Variants in ZBTB43 observed in about 807,000 individuals in gnomAD.
ZBTB43 encodes the protein zinc finger and BTB domain containing 43.
In ZBTB43, 6 loss-of-function variants were observed where a neutral mutation model predicts 31.1. That is an observed-to-expected ratio of 0.19 (90% CI 0.11 to 0.38). The LOEUF is 0.38. ZBTB43 is among the 10% of genes least tolerant of loss of function. ZBTB43 has a pLI of 1.00. For synonymous variants in ZBTB43, 212 were observed against 221.7 expected (o/e 0.96, Z 0.39); for missense variants, 379 against 602.1 (o/e 0.63, Z 3.88).
At chr9:126,807,941 C>T (rs2032163738) in intron 1 of ZBTB43, among the ~76,000 whole-genome samples, 1 of 151,932 alleles carries the variant, frequency 6.6e-6, no homozygotes, top group African/African-American at 2.4e-5. Flanking sequence ...TGGGCCTGAA[C>T]TTTTCCTTTT....
intron 2 of ZBTB43, among the ~76,000 whole-genome samples, chr9:126,809,554 T>C (rs1333959617): frequency 6.6e-6 from 1 of 152,208 alleles, no homozygotes; most frequent in African/African-American, 2.4e-5. Flanking sequence ...TCTGTGTTTT[T>C]AGGATGTTTA....
intron 2 of ZBTB43, among the ~76,000 whole-genome samples, chr9:126,820,889 G>A (rs187727935): frequency 1.4e-5 from 2 of 146,420 alleles, no homozygotes; most frequent in African/African-American, 5.0e-5. Context: ...GATCACGTGA[G>A]CCAGAGAGTC....
intron 2 of ZBTB43, among the ~76,000 whole-genome samples, chr9:126,822,602 A>G (rs999440775): frequency 6.6e-6 from 1 of 151,990 alleles, no homozygotes; most frequent in African/African-American, 2.4e-5. Context: ...TTAGCTGAAC[A>G]TGGTGATGCA....
chr9:126,815,804 A>C (rs1286173126), intron 2 of ZBTB43, among the ~76,000 whole-genome samples: 1 of 146,540 alleles, frequency 6.8e-6, no homozygotes. Context: ...ATTGATTCCC[A>C]CCCCCACCTC....
At chr9:126,829,320 C>G (rs1216280663) in intron 2 of ZBTB43, among the ~76,000 whole-genome samples, 1 of 152,144 alleles carries the variant, frequency 6.6e-6, no homozygotes. Context: ...ATAAATATTT[C>G]CAAAGGTATG....
rs113217018 is a variant in ZBTB43, at chr9:126,829,874, A to G, written c.-23-2613A>G. Among the ~76,000 whole-genome samples the G allele has an allele frequency of 3.0e-3, 450 of 152,278 alleles. 3 individuals are homozygous for G. The highest frequency in any genetic ancestry group is 0.01 in the African/African-American group (432 of 41,560). On this transcript the variant is annotated intron_variant, in intron 2 of 2. Coordinates refer to ENST00000373464, the MANE Select transcript of ZBTB43 (RefSeq NM_014007.4). ...TTTAGTCTACTCATTTATATAGTCA[A>G]CTTTTCTTTTTGAAATTACGAATAC...
intron 2 of ZBTB43, among the ~76,000 whole-genome samples, chr9:126,815,357 A>AAT (rs199590783): frequency 3.8e-4 from 54 of 142,654 alleles, no homozygotes; most frequent in Non-Finnish European, 5.2e-4. Context: ...AATATATAAA[A>AAT]ATATATATAT....
At chr9:126,812,312 A>G (rs924096776) in intron 2 of ZBTB43, among the ~76,000 whole-genome samples, 5 of 152,206 alleles carry the variant, frequency 3.3e-5, no homozygotes, top group African/African-American at 1.2e-4. Flanking sequence ...TCCAGTCATA[A>G]GTTGATGGAG....
intron 2 of ZBTB43, among the ~76,000 whole-genome samples, chr9:126,818,482 C>T (rs1188772796): frequency 6.6e-6 from 1 of 151,818 alleles, no homozygotes; most frequent in Admixed American, 6.6e-5. Flanking sequence ...TGAGCCCAAG[C>T]AATTCGCCCA....
At chr9:126,827,978 T>C (rs2032678875) in intron 2 of ZBTB43, among the ~76,000 whole-genome samples, 2 of 151,850 alleles carry the variant, frequency 1.3e-5, no homozygotes, top group African/African-American at 4.8e-5. Context: ...GATTGCACCA[T>C]TGCACTCCAG....
rs1179213233 is a variant in ZBTB43, at chr9:126,814,341, CTG to C, written c.-24+5428_-24+5429del. On this transcript the variant is annotated intron_variant, in intron 2 of 2. Coordinates refer to ENST00000373464, the MANE Select transcript of ZBTB43 (RefSeq NM_014007.4). Reference sequence around the variant, plus strand: ...CATCTGTAAAATGTAAATTTTACATCTGTAAAAATTTTACAGATGAAATTTAC... The same window carrying C: ...CATCTGTAAAATGTAAATTTTACATCTAAAAATTTTACAGATGAAATTTAC... Among the ~76,000 whole-genome samples, 4 of 27,822 alleles carry C rather than the reference CTG, an allele frequency of 1.4e-4. No individual in the cohort carries two copies. In the East Asian group the frequency reaches 4.2e-3, roughly 29 times the overall value. 18.3% of individuals were successfully genotyped at this position (27,822 alleles called of 152,430 possible).
In ZBTB43 at chr9:126,832,126, C is replaced by G. The variant is rs182097676; in HGVS notation, c.-23-361C>G. 2.7e-5 allele frequency: 5 copies of G among 185,732 alleles called. No homozygotes were observed. The East Asian group carries it at 5.5e-4, about 21-fold the overall frequency. The allele number at this position is 185,732 out of a possible 1,614,324, so 11.5% of individuals were successfully genotyped here. A position where few individuals can be genotyped will look rare whatever the true frequency, so the allele number is the denominator to read the frequency against. On this transcript the variant is annotated intron_variant, in intron 2 of 2. Transcript: ENST00000373464. The stretch of plus-strand genomic sequence containing the variant: ...TGGGCAACAGAGCAAGACCCCATCT[C>G]GTTTAAAAAAAAATTATATTATTTG...
At position 126,836,817 on chromosome 9, in the gene ZBTB43, C is replaced by T. The variant is rs1043345833; in HGVS notation, c.*2904C>T. The T allele has an allele frequency of 6.0e-6, 1 of 165,622 alleles. No homozygotes were observed. Among genetic ancestry groups the T allele is most frequent in the Non-Finnish European group, 1.5e-5 (1 of 68,130 alleles). The allele number at this position is 165,622 out of a possible 1,614,324, so 10.3% of individuals were successfully genotyped here. A position where few individuals can be genotyped will look rare whatever the true frequency, so the allele number is the denominator to read the frequency against. ...CCACCAGTGGTATTTAATATTCATA[C>T]TTGGGGCCAGGCATGGTGGCTCACG... is the stretch of plus-strand genomic sequence containing the variant. On this transcript the variant is annotated 3_prime_UTR_variant, in exon 3 of 3. Transcript: ENST00000373464.
chr9:126,823,566 A>G (rs1453114979), intron 2 of ZBTB43, among the ~76,000 whole-genome samples: 1 of 152,254 alleles, frequency 6.6e-6, no homozygotes, highest in Non-Finnish European at 1.5e-5. Context: ...GACTGCATGT[A>G]GATGAGTCGT....
At chr9:126,820,155 A>G (rs2032479131) in intron 2 of ZBTB43, among the ~76,000 whole-genome samples, 1 of 152,246 alleles carries the variant, frequency 6.6e-6, no homozygotes, top group Non-Finnish European at 1.5e-5. Flanking sequence ...AAATCTAGCT[A>G]AGATAATTGG....
chr9:126,829,242 C>G (rs776758569), intron 2 of ZBTB43, among the ~76,000 whole-genome samples: 1 of 152,136 alleles, frequency 6.6e-6, no homozygotes, highest in Non-Finnish European at 1.5e-5. Flanking sequence ...CTTGATGACC[C>G]AAGAGTTCAA....
At chr9:126,804,919 C>G (rs2032086992), upstream of ZBTB43, 1 of 152,502 alleles carries the variant, frequency 6.6e-6, no homozygotes, top group Admixed American at 6.5e-5. Flanking sequence ...TCTCCCGACG[C>G]CCAGCTCAGA....
intron 2 of ZBTB43, among the ~76,000 whole-genome samples, chr9:126,822,182 T>TTA (rs2032527975): frequency 1.3e-5 from 2 of 149,082 alleles, no homozygotes; most frequent in Non-Finnish European, 3.0e-5. Context: ...TTTTTTTTTT[T>TTA]AAAGCTCATC....
chr9:126,830,050 G>A (rs984302827), intron 2 of ZBTB43, among the ~76,000 whole-genome samples: 9 of 152,222 alleles, frequency 5.9e-5, no homozygotes, highest in Admixed American at 3.9e-4. Flanking sequence ...CTTAGAGGAG[G>A]CAGAGTGATG....
Sources: gnomAD v4.1 joint callset for allele counts (sites outside exome capture counted in the v4.1 genomes callset) on GRCh38, gnomAD v4.1.1 for gene constraint, MANE v1.5 for transcripts, NCBI Gene and HGNC (gene_info 2026-07-23, HGNC 2026-07-21) for gene names.